ZBTB49: variants seen among roughly 807,000 people sequenced by gnomAD.
ZBTB49 encodes zinc finger and BTB domain containing 49, also known as zinc finger and BTB domain-containing protein 49.
In ZBTB49, 43 loss-of-function variants were observed where a neutral mutation model predicts 57.5. That is an observed-to-expected ratio of 0.75 (90% CI 0.59 to 0.97). The LOEUF (loss-of-function observed/expected upper bound fraction) is 0.97. ZBTB49 is among the 50% of genes least tolerant of loss of function. The pLI is 0.00. For synonymous variants in ZBTB49, 369 were observed against 362.1 expected (o/e 1.02, Z -0.22); for missense variants, 938 against 947.7 (o/e 0.99, Z 0.13).
At chr4:4,316,091 T>C (rs1056016524) in intron 7 of ZBTB49, 121 bp downstream of exon 7, 27 of 1,273,140 alleles carry the variant, frequency 2.1e-5, no homozygotes, top group Middle Eastern at 2.5e-4. Flanking sequence ...GTTTTTTTAT[T>C]GCCTCACATG....
intron 4 of ZBTB49, among the ~76,000 whole-genome samples, chr4:4,312,748 C>A (rs1259927918): frequency 6.6e-6 from 1 of 152,214 alleles, no homozygotes; most frequent in African/African-American, 2.4e-5. Flanking sequence ...GCAGCCTCCA[C>A]AGGGTGCTGT....
Position 4,315,833 on chromosome 4 carries a change from A to G in ZBTB49, c.1484A>G (p.Lys495Arg), listed in dbSNP as rs1385441322. 6.2e-7 allele frequency: 1 copy of G among 1,614,242 alleles called. No homozygotes were observed. Among genetic ancestry groups the G allele is most frequent in the East Asian group, 2.2e-5 (1 of 44,892 alleles). ...GGGTTTAGTAACTTCAGTAATTTGA[A>G]GGAGCACAAAAAGACACACACGGCT... ...GRGFSNFSNLKEHKKTHTADK... is the reference protein window; with the variant it reads ...GRGFSNFSNLREHKKTHTADK... The change falls in exon 7 of 8, where the codon AAG becomes AGG. Residue 495 changes from lysine to arginine, a missense_variant. Lys to Arg is a conservative substitution (Grantham distance 26). This residue lies in a region of ZBTB49 where 835 missense variants were observed against 819.1 expected (regional missense o/e 1.02). Transcript: ENST00000337872.
chr4:4,296,646 A>G (rs1469136369), intron 1 of ZBTB49, among the ~76,000 whole-genome samples: 2 of 152,228 alleles, frequency 1.3e-5, no homozygotes, highest in Admixed American at 1.3e-4. Context: ...TATCAGCAGC[A>G]TGAAAACGGA....
At position 4,321,051 on chromosome 4, in the gene ZBTB49, C is replaced by A; in HGVS notation, c.2033C>A (p.Ala678Asp). The change falls in exon 8 of 8, where the codon GCC (alanine) becomes GAC (aspartate). Residue 678 changes from alanine (A) to aspartate (D), a missense_variant. Physicochemically the swap from Ala to Asp is moderately radical, Grantham distance 126. Transcript: ENST00000337872. ...EKLSLDPGKL[A>D]KPQMQQTQPQ... ...CTGAGTTTGGATCCTGGTAAACTTGCCAAGCCCCAGATGCAGCAGACACAG... is the reference window on the plus strand; with the variant it reads ...CTGAGTTTGGATCCTGGTAAACTTGACAAGCCCCAGATGCAGCAGACACAG... The A allele has an allele frequency of 6.2e-7, 1 of 1,614,180 alleles. No individual in the cohort carries two copies. The highest frequency in any genetic ancestry group is 8.5e-7 in the Non-Finnish European group (1 of 1,180,034).
rs1720561550 is a variant in ZBTB49, at chr4:4,302,894, C to G, written c.1058C>G (p.Ala353Gly). The G allele has an allele frequency of 6.2e-7, 1 of 1,613,960 alleles. No homozygotes were observed. Among genetic ancestry groups the G allele is most frequent in the Admixed American group, 1.7e-5 (1 of 59,982 alleles). Reference protein sequence around the residue: ...NTLEKASSQSAEEKESEEVVS... With the variant: ...NTLEKASSQSGEEKESEEVVS... ...CTAGAGAAAGCTAGCAGCCAAAGTGCTGAAGAAAAAGAAAGTGAAGAAGTC... is the reference window on the plus strand; with the variant it reads ...CTAGAGAAAGCTAGCAGCCAAAGTGGTGAAGAAAAAGAAAGTGAAGAAGTC... The change falls in exon 3 of 8, where the codon GCT becomes GGT. Residue 353 changes from alanine to glycine, a missense_variant. Ala to Gly is a moderately conservative substitution (Grantham distance 60). Around this residue, in one of 3 missense-constraint regions of ZBTB49, gnomAD observed 835 missense variants for 819.1 expected, o/e 1.02. Coordinates refer to ENST00000337872, the MANE Select transcript of ZBTB49 (RefSeq NM_145291.4).
chr4:4,319,178 C>T (rs973475227), intron 7 of ZBTB49, among the ~76,000 whole-genome samples: 5 of 152,040 alleles, frequency 3.3e-5, no homozygotes, highest in Non-Finnish European at 7.4e-5. Context: ...CAGGTGTGAG[C>T]CACCTCACCT....
intron 2 of ZBTB49, among the ~76,000 whole-genome samples, chr4:4,300,400 T>C (rs1720424103): frequency 6.6e-6 from 1 of 152,228 alleles, no homozygotes; most frequent in Admixed American, 6.5e-5. Flanking sequence ...CTTCTACATA[T>C]ATTTCTTATC....
At chr4:4,312,273 C>T (rs1721008864) in intron 4 of ZBTB49, among the ~76,000 whole-genome samples, 1 of 152,180 alleles carries the variant, frequency 6.6e-6, no homozygotes, top group Non-Finnish European at 1.5e-5. Flanking sequence ...TTTTCCAAAC[C>T]TAATTCGAAA....
intron 7 of ZBTB49, among the ~76,000 whole-genome samples, chr4:4,319,043 C>T (rs1196446517): frequency 6.6e-6 from 1 of 151,924 alleles, no homozygotes; most frequent in African/African-American, 2.4e-5. Flanking sequence ...GCATGCACCA[C>T]CACACCCAGC....
chr4:4,303,181 T>C (rs1560109007), intron 3 of ZBTB49, 90 bp downstream of exon 3: 2 of 1,411,170 alleles, frequency 1.4e-6, no homozygotes, highest in Non-Finnish European at 1.9e-6. Context: ...TAAGAAGTTT[T>C]GCTGTTGTTT....
rs762830077 is a variant in ZBTB49, at chr4:4,320,871, C to T, written c.1853C>T (p.Ser618Phe). The stretch of plus-strand genomic sequence containing the variant: ...AAATCTCAGAGCTCAGACTCTTTCT[C>T]CCAAGACACGTCTGTGACGCTGATG... ...LEKSQSSDSF[S>F]QDTSVTLMPV... Residue 618 changes from serine to phenylalanine, a missense_variant, in exon 8 of 8, where the codon TCC (serine) becomes TTC (phenylalanine). Around this residue, in one of 3 missense-constraint regions of ZBTB49, gnomAD observed 835 missense variants for 819.1 expected, o/e 1.02. Transcript: ENST00000337872. 2 of 1,614,230 alleles carry T rather than the reference C, an allele frequency of 1.2e-6. No individual in the cohort carries two copies. Among genetic ancestry groups the T allele is most frequent in the Non-Finnish European group, 1.7e-6 (2 of 1,180,044 alleles).
chr4:4,301,793 C>G (rs1262604034), intron 2 of ZBTB49, among the ~76,000 whole-genome samples, 196 bp from the exon 3 acceptor site: 1 of 149,386 alleles, frequency 6.7e-6, no homozygotes, highest in Non-Finnish European at 1.5e-5. Flanking sequence ...ATACCCAATC[C>G]ACCAATTTAA....
At chr4:4,307,771 G>T (rs1173720789) in intron 4 of ZBTB49, among the ~76,000 whole-genome samples, 1 of 151,912 alleles carries the variant, frequency 6.6e-6, no homozygotes, top group African/African-American at 2.4e-5. Context: ...TAGCAATTGC[G>T]ACTTCTCTGG....
chr4:4,300,212 C>A, intron 2 of ZBTB49, 115 bp downstream of exon 2: 2 of 1,187,176 alleles, frequency 1.7e-6, no homozygotes, highest in Non-Finnish European at 2.3e-6. Context: ...TTTTATAGCA[C>A]ATTGGATTTT....
chr4:4,307,319 C>A (rs116089726), intron 4 of ZBTB49, among the ~76,000 whole-genome samples: 33 of 152,290 alleles, frequency 2.2e-4, no homozygotes, highest in Admixed American at 3.9e-4. Flanking sequence ...TCCCTCCAGC[C>A]GCCATTCTTG....
At chr4:4,294,058 T>C (rs1275396591) in intron 1 of ZBTB49, among the ~76,000 whole-genome samples, 1 of 152,242 alleles carries the variant, frequency 6.6e-6, no homozygotes, top group African/African-American at 2.4e-5. Context: ...ACCTATCTTA[T>C]GGTAAATGAG....
intron 4 of ZBTB49, among the ~76,000 whole-genome samples, chr4:4,312,069 T>C (rs954619715): frequency 3.3e-5 from 5 of 152,260 alleles, no homozygotes; most frequent in Non-Finnish European, 7.3e-5. Context: ...CGTGTGTTAG[T>C]TGGCTAGTAT....
intron 3 of ZBTB49, among the ~76,000 whole-genome samples, 186 bp downstream of exon 3, chr4:4,303,277 T>C (rs1720584892): frequency 6.6e-6 from 1 of 152,266 alleles, no homozygotes; most frequent in African/African-American, 2.4e-5. Context: ...CTTAAAGTTT[T>C]GTAAATGGTT....
At position 4,303,044 on chromosome 4, in the gene ZBTB49, C is replaced by T. The variant is rs769244640; in HGVS notation, c.1208C>T (p.Pro403Leu). The stretch of plus-strand genomic sequence containing the variant: ...TACGCGTGTGAATTATGCGGGAAAC[C>T]TTTTAAACACCCAAGCAACTTGGAG... ...RQYACELCGK[P>L]FKHPSNLELH... The change falls in exon 3 of 8, where the codon CCT becomes CTT. Residue 403 changes from proline (P) to leucine (L), a missense_variant. Transcript: ENST00000337872. The T allele has an allele frequency of 6.2e-7, 1 of 1,612,400 alleles. No individual in the cohort carries two copies. Among genetic ancestry groups the T allele is most frequent in the Non-Finnish European group, 8.5e-7 (1 of 1,179,186 alleles).
Sources: gnomAD v4.1 joint callset for allele counts (sites outside exome capture counted in the v4.1 genomes callset) on GRCh38, gnomAD v4.1.1 for gene constraint, gnomAD v4.1.1 regional missense constraint, MANE v1.5 for transcripts, NCBI Gene and HGNC (gene_info 2026-07-23, HGNC 2026-07-21) for gene names.